The following INTS13 variants were observed in gnomAD, a reference collection of about 807,000 sequenced individuals.
INTS13 encodes integrator complex subunit 13, also known as asunder, spermatogenesis regulator homolog (Drosphila).
Under a neutral mutation model 90.2 loss-of-function variants are expected in INTS13, and 35 were observed. The observed-to-expected ratio is 0.39, with a 90% CI of 0.30 to 0.51. The LOEUF (loss-of-function observed/expected upper bound fraction) is 0.51. Among genes scored for constraint, INTS13 ranks in the 20% least tolerant of loss-of-function variants. The pLI, the probability that INTS13 is intolerant of heterozygous loss-of-function variation, is 0.80. For synonymous variants in INTS13, 309 were observed against 277.1 expected (o/e 1.11, Z -1.14); for missense variants, 601 against 851.2 (o/e 0.71, Z 3.66).
At chr12:26,922,501 AG>A in intron 8 of INTS13, 114 bp downstream of exon 8, 1 of 640,564 alleles carries the variant, frequency 1.6e-6, no homozygotes, top group Non-Finnish European at 2.6e-6. Context: ...AGACCATCTG[AG>A]ATTTCAGGCA....
At chr12:26,928,072 A>C (rs745488161) in intron 5 of INTS13, 133 bp downstream of exon 5, 1 of 551,678 alleles carries the variant, frequency 1.8e-6, no homozygotes, top group Non-Finnish European at 3.1e-6. Context: ...TTCTGATCAA[A>C]CATACATTTT....
rs1952108544 is a variant in INTS13 at position 26,921,173 on chromosome 12, T to C, written c.889+1443A>G. Among the ~76,000 whole-genome samples, 3 of 152,364 alleles carry C rather than the reference T, an allele frequency of 2.0e-5. No homozygotes were observed. In the South Asian group the frequency reaches 6.2e-4, roughly 32 times the overall value. On this transcript the variant is annotated intron_variant, in intron 8 of 16. Transcript: ENST00000261191. The stretch of plus-strand genomic sequence containing the variant: ...GTCTTGCCAGTTGGTGGCAAAGCTT[T>C]AGCTAAAACTTATCTCCTAACTCCA...
At chr12:26,929,132 TTACAA>T (rs1223581179) in intron 3 of INTS13, 1 of 476,084 alleles carries the variant, frequency 2.1e-6, no homozygotes, top group African/African-American at 1.9e-5. Flanking sequence ...ATATCAATTA[TTACAA>T]TACATCATAT....
intron 15 of INTS13, among the ~76,000 whole-genome samples, chr12:26,908,954 CAT>C (rs1194281598): frequency 2.0e-5 from 3 of 152,180 alleles, no homozygotes; most frequent in African/African-American, 7.2e-5. Flanking sequence ...CAAGCTAGTA[CAT>C]ATGTGTATGA....
At chr12:26,921,905 C>T (rs1201216023) in intron 8 of INTS13, among the ~76,000 whole-genome samples, 1 of 152,246 alleles carries the variant, frequency 6.6e-6, no homozygotes, top group Admixed American at 6.5e-5. Context: ...ATCTGCCCAC[C>T]TTGGCCTCCC....
At chr12:26,905,624 T>C in intron 16 of INTS13, 88 bp from the exon 17 acceptor site, 2 of 1,294,176 alleles carry the variant, frequency 1.5e-6, no homozygotes, top group Non-Finnish European at 2.2e-6. Context: ...AAAATTAAAA[T>C]AATATATTCA....
chr12:26,917,802 A>T, intron 8 of INTS13, 69 bp from the exon 9 acceptor site: 11 of 965,738 alleles, frequency 1.1e-5, no homozygotes, highest in Non-Finnish European at 1.6e-5. Flanking sequence ...TATCCCATAA[A>T]TATGTACAAT....
chr12:26,928,254 C>T lies in INTS13; in HGVS notation c.535G>A (p.Val179Ile). 1 of 1,610,120 alleles carries T rather than the reference C, an allele frequency of 6.2e-7. No individual in the cohort carries two copies. The highest frequency in any genetic ancestry group is 1.1e-5 in the South Asian group (1 of 90,794). ...TTATGTTCATGAATCGTTTCCTGGA[C>T]ACAGTCTTCAAGCATTCGCACATGA... Reference protein sequence around the residue: ...DSHVRMLEDCVQETIHEHNKL... With the variant: ...DSHVRMLEDCIQETIHEHNKL... Residue 179 changes from valine (V) to isoleucine (I), a missense_variant, in exon 5 of 17, where the codon GTC becomes ATC. Coordinates refer to ENST00000261191, the MANE Select transcript of INTS13 (RefSeq NM_018164.3).
At chr12:26,922,002 A>G (rs773371888) in intron 8 of INTS13, among the ~76,000 whole-genome samples, 1 of 152,194 alleles carries the variant, frequency 6.6e-6, no homozygotes, top group African/African-American at 2.4e-5. Flanking sequence ...TAAACAATTC[A>G]TAAGTTTTAC....
chr12:26,934,167 C>T (rs894934754), intron 3 of INTS13, among the ~76,000 whole-genome samples: 3 of 152,052 alleles, frequency 2.0e-5, no homozygotes, highest in Admixed American at 1.3e-4. Flanking sequence ...CTCAGCTACT[C>T]GGGAGGCTTA....
At chr12:26,924,307 A>C in intron 7 of INTS13, 48 bp downstream of exon 7, 1 of 1,593,052 alleles carries the variant, frequency 6.3e-7, no homozygotes. Context: ...ACAAATATTT[A>C]AAAAGCAAAG....
At chr12:26,926,485 G>A in intron 5 of INTS13, among the ~76,000 whole-genome samples, 1 of 152,180 alleles carries the variant, frequency 6.6e-6, no homozygotes, top group East Asian at 1.9e-4. Flanking sequence ...ACTTCAGCCT[G>A]CTTCGCCTAG....
In INTS13 at chr12:26,924,424, G is replaced by C; in HGVS notation, c.735C>G (p.Thr245=). The stretch of plus-strand genomic sequence containing the variant: ...GTTGCTGTACTAAAATATTCAATTT[G>C]GTAGCAAGATGCCGTCCTGCACGAA... ...HSVRAGRHLA[T]KLNILVQQHF... The change falls in exon 7 of 17, where the codon ACC becomes ACG. Residue 245 remains threonine, a synonymous_variant. Coordinates refer to ENST00000261191, the MANE Select transcript of INTS13 (RefSeq NM_018164.3). 1 of 1,613,188 alleles carries C rather than the reference G, an allele frequency of 6.2e-7. No homozygotes were observed. The highest frequency in any genetic ancestry group is 8.5e-7 in the Non-Finnish European group (1 of 1,179,424).
chr12:26,936,877 T>A (rs1938491042), intron 1 of INTS13, 63 bp from the exon 2 acceptor site: 10 of 1,108,470 alleles, frequency 9.0e-6, no homozygotes, highest in Non-Finnish European at 1.3e-5. Flanking sequence ...TTTTCTAATT[T>A]TCTCAAGAAG....
intron 4 of INTS13, among the ~76,000 whole-genome samples, chr12:26,928,501 T>C (rs1464142417): frequency 6.6e-6 from 1 of 150,766 alleles, no homozygotes; most frequent in Admixed American, 6.6e-5. Context: ...TAAACAGTTT[T>C]CAATGAGATA....
In INTS13 at chr12:26,913,712, C is replaced by A. The variant is rs1555204692; in HGVS notation, c.1575-25G>T. On this transcript the variant is annotated intron_variant, in intron 13 of 16. Transcript: ENST00000261191. ...TCTGCAGCAAAGATTTGGAAATACT[C>A]TTTAAATAATATTGAAGTGTCACTT... 3 of 1,551,156 alleles carry A rather than the reference C, an allele frequency of 1.9e-6. No individual in the cohort carries two copies. The South Asian group carries it at 3.5e-5, about 18-fold the overall frequency.
rs1244589309 is a variant in INTS13 at position 26,905,212 on chromosome 12, T to G, written c.*285A>C. 1 of 286,412 alleles carries G rather than the reference T, an allele frequency of 3.5e-6. No homozygotes were observed. Among genetic ancestry groups the G allele is most frequent in the Non-Finnish European group, 6.4e-6 (1 of 157,036 alleles). 17.7% of individuals were successfully genotyped at this position (286,412 alleles called of 1,614,324 possible). A position where few individuals can be genotyped will look rare whatever the true frequency, so the allele number is the denominator to read the frequency against. Reference sequence around the variant, plus strand: ...ATTTCAAATATTTTAATAGTTTTATTTCGCAAAGAGAAGCCTAAGAATTTT... The same window carrying G: ...ATTTCAAATATTTTAATAGTTTTATGTCGCAAAGAGAAGCCTAAGAATTTT... On this transcript the variant is annotated 3_prime_UTR_variant, in exon 17 of 17. Transcript: ENST00000261191.
intron 8 of INTS13, chr12:26,919,022 C>A: frequency 2.6e-6 from 1 of 387,374 alleles, no homozygotes. Context: ...AAAAATTAGC[C>A]AGGCTTCGTG....
rs1951864420 is a variant in INTS13 at position 26,914,037 on chromosome 12, A to G, written c.1511T>C (p.Met504Thr). ...AGGTAGAGGATCATTTTTTCTTTCC[A>G]TATCAACTAAGTTGTATATTGTTTT... is the stretch of plus-strand genomic sequence containing the variant. ...CQKTIYNLVD[M>T]ERKNDPLPIS... The change falls in exon 13 of 17, where the codon ATG becomes ACG. Residue 504 changes from methionine to threonine, a missense_variant. By Grantham distance (81) the Met-to-Thr change is moderately conservative. This residue lies in a region of INTS13 where 228 missense variants were observed against 272.5 expected (regional missense o/e 0.84). Transcript: ENST00000261191. 2.5e-6 allele frequency: 4 copies of G among 1,611,438 alleles called. No individual in the cohort carries two copies. Among genetic ancestry groups the G allele is most frequent in the Non-Finnish European group, 2.5e-6 (3 of 1,179,122 alleles).
Sources: gnomAD v4.1 joint callset for allele counts (sites outside exome capture counted in the v4.1 genomes callset) on GRCh38, gnomAD v4.1.1 for gene constraint, gnomAD v4.1.1 regional missense constraint, MANE v1.5 for transcripts, NCBI Gene and HGNC (gene_info 2026-07-23, HGNC 2026-07-21) for gene names.